Variants in MINDY4B observed in about 807,000 individuals in gnomAD.
The protein encoded by MINDY4B is MINDY family member 4B.
A neutral mutation model predicts 16.7 loss-of-function variants in MINDY4B; 25 were observed. The observed-to-expected ratio is 1.49, with a 90% CI of 1.09 to 2.09. MINDY4B has a LOEUF of 2.09. Ranked by LOEUF, MINDY4B falls within the 30% of genes most tolerant of loss-of-function variation. MINDY4B has a pLI of 0.00. For synonymous variants in MINDY4B, 132 were observed against 61.9 expected, an observed-to-expected ratio of 2.13 and a Z score of -5.32; for missense variants, 327 against 168.4, an observed-to-expected ratio of 1.94 and a Z score of -5.21.
chr3:150,894,126 G>A (rs1273589220), intron 4 of MINDY4B, 60 bp downstream of exon 4: 13 of 622,850 alleles, frequency 2.1e-5, no homozygotes, highest in Non-Finnish European at 3.7e-5. Flanking sequence ...TGGACAGGAA[G>A]GATATATGGA....
intron 3 of MINDY4B, among the ~76,000 whole-genome samples, chr3:150,896,671 G>T (rs1424090133): frequency 6.6e-6 from 1 of 152,168 alleles, no homozygotes; most frequent in Non-Finnish European, 1.5e-5. Flanking sequence ...CACCTAGCAA[G>T]CCTACCAGGC....
chr3:150,881,614 T>TAAAA (rs34567737), intron 10 of MINDY4B, among the ~76,000 whole-genome samples: 3,663 of 121,236 alleles, frequency 0.03, 124 homozygotes, highest in African/African-American at 0.072. Context: ...TGTCTCTGTT[T>TAAAA]AAAAAAAAAA....
At chr3:150,871,994 G>T (rs1716984358) in intron 11 of MINDY4B, among the ~76,000 whole-genome samples, 1 of 152,162 alleles carries the variant, frequency 6.6e-6, no homozygotes, top group Non-Finnish European at 1.5e-5. Context: ...ACTTAAGAAG[G>T]TACTTAGCAT....
rs1350369464 is a variant in MINDY4B, at chr3:150,882,898, T to C, written c.1058A>G (p.Gln353Arg). ...KDASEDDRLSQVGSMLKTPKL... is the reference protein window; with the variant it reads ...KDASEDDRLSRVGSMLKTPKL... ...GGTTGAGGACTGGAACACACTCACC[T>C]GTGAGAGTCTGTCATCTTCCGAGGC... Residue 353 changes from glutamine (Q) to arginine (R), a missense_variant and splice_region_variant, in exon 10 of 12, where the codon CAG becomes CGG. Coordinates refer to ENST00000465419, the MANE Select transcript of MINDY4B (RefSeq NM_001351281.2). The C allele has an allele frequency of 2.9e-6, 2 of 701,302 alleles. No individual in the cohort carries two copies. Among genetic ancestry groups the C allele is most frequent in the African/African-American group, 1.7e-5 (1 of 57,154 alleles). The allele number at this position is 701,302 out of a possible 1,614,324, so 43.4% of individuals were successfully genotyped here. A position where few individuals can be genotyped will look rare whatever the true frequency, so the allele number is the denominator to read the frequency against.
rs1716943390 is a variant in MINDY4B, at chr3:150,870,600, C to G, written c.*445G>C. ...CCTTGGAAAGGAATGCCGTCCATAC[C>G]AGGAAGTCCTTGAGAAGGCTTGAGT... On this transcript the variant is annotated 3_prime_UTR_variant, in exon 12 of 12. Transcript: ENST00000465419. Among the ~76,000 whole-genome samples, 1 of 152,164 alleles carries G rather than the reference C, an allele frequency of 6.6e-6. No homozygotes were observed. Among genetic ancestry groups the G allele is most frequent in the Non-Finnish European group, 1.5e-5 (1 of 68,040 alleles).
At chr3:150,900,020 A>T (rs911674271) in intron 3 of MINDY4B, among the ~76,000 whole-genome samples, 2 of 152,176 alleles carry the variant, frequency 1.3e-5, no homozygotes, top group Admixed American at 6.5e-5. Context: ...TGAGTCCAGA[A>T]AAGGGCCTGG....
At chr3:150,883,673 A>G (rs1711560945) in intron 9 of MINDY4B, 27 bp downstream of exon 9, 1 of 702,228 alleles carries the variant, frequency 1.4e-6, no homozygotes. Context: ...AGATTCTACA[A>G]TAGAAAGGCA....
intron 10 of MINDY4B, among the ~76,000 whole-genome samples, chr3:150,882,251 G>T (rs1436476383): frequency 3.9e-5 from 6 of 152,112 alleles, no homozygotes; most frequent in Admixed American, 3.9e-4. Flanking sequence ...CTCTTCTTCT[G>T]TTTGTTTTCG....
At chr3:150,894,124 A>T in intron 4 of MINDY4B, 62 bp downstream of exon 4, 1 of 614,598 alleles carries the variant, frequency 1.6e-6, no homozygotes, top group Non-Finnish European at 2.9e-6. Context: ...TGTGGACAGG[A>T]AGGATATATG....
rs113992135 is a variant in MINDY4B at position 150,870,932 on chromosome 3, T to G, written c.*113A>C. 1 of 605,614 alleles carries G rather than the reference T, an allele frequency of 1.7e-6. No homozygotes were observed. Among genetic ancestry groups the G allele is most frequent in the East Asian group, 2.7e-5 (1 of 36,378 alleles). The allele number at this position is 605,614 out of a possible 1,614,324, so 37.5% of individuals were successfully genotyped here. A position where few individuals can be genotyped will look rare whatever the true frequency, so the allele number is the denominator to read the frequency against. ...CTGCTAATGGTATATATATATATTT[T>G]TTGGTGGGGCTTGTGAATGAGAAAT... is the stretch of plus-strand genomic sequence containing the variant. On this transcript the variant is annotated 3_prime_UTR_variant, in exon 12 of 12. Transcript: ENST00000465419.
At chr3:150,886,342 A>G (rs997477986) in intron 7 of MINDY4B, among the ~76,000 whole-genome samples, 3 of 152,120 alleles carry the variant, frequency 2.0e-5, no homozygotes, top group Admixed American at 1.3e-4. Flanking sequence ...GGATTAATGT[A>G]TCCGTTTTGC....
chr3:150,885,592 T>G (rs1459054282), intron 7 of MINDY4B, among the ~76,000 whole-genome samples, 154 bp from the exon 8 acceptor site: 2 of 152,320 alleles, frequency 1.3e-5, no homozygotes, highest in South Asian at 2.1e-4. Flanking sequence ...GTCTTCCTAC[T>G]CTAAAATTTG....
intron 10 of MINDY4B, among the ~76,000 whole-genome samples, chr3:150,875,737 G>C (rs989220768): frequency 1.3e-5 from 2 of 152,166 alleles, no homozygotes; most frequent in African/African-American, 4.8e-5. Context: ...GCAGAACCTT[G>C]CTTGCCCTGA....
chr3:150,900,892 T>A (rs1712099762), intron 3 of MINDY4B, among the ~76,000 whole-genome samples: 1 of 152,226 alleles, frequency 6.6e-6, no homozygotes, highest in Non-Finnish European at 1.5e-5. Context: ...CTTTTTCTAT[T>A]TTTAAAATTT....
chr3:150,882,546 T>C (rs1711538090), intron 10 of MINDY4B, among the ~76,000 whole-genome samples: 2 of 150,156 alleles, frequency 1.3e-5, no homozygotes, highest in African/African-American at 2.5e-5. Context: ...GACTTTTCCT[T>C]TGTGTATGTG....
rs11391740 is a variant in MINDY4B at position 150,885,461 on chromosome 3, G to GC, written c.754-24dup. The GC allele has an allele frequency of 4.9e-5, 34 of 698,074 alleles. 1 individual carries two copies. Among genetic ancestry groups the GC allele is most frequent in the Middle Eastern group, 2.3e-4 (1 of 4,366 alleles). The allele number at this position is 698,074 out of a possible 1,614,324, so 43.2% of individuals were successfully genotyped here. ...GAACTGTTCGGAAAAGAAAAGAAAA[G>GC]CATGTTGGTCTAAAAGCAACACAGA... On this transcript the variant is annotated intron_variant, in intron 7 of 11. Transcript: ENST00000465419.
At chr3:150,901,928 T>C (rs1415175058) in intron 3 of MINDY4B, among the ~76,000 whole-genome samples, 1 of 152,000 alleles carries the variant, frequency 6.6e-6, no homozygotes, top group Non-Finnish European at 1.5e-5. Context: ...CTGGGAGGTT[T>C]TGTATGATAA....
chr3:150,880,098 A>G (rs16862946), intron 10 of MINDY4B, among the ~76,000 whole-genome samples: 292 of 152,358 alleles, frequency 1.9e-3, no homozygotes, highest in Middle Eastern at 6.8e-3. Context: ...GTCAATCCTT[A>G]ATCTGATCAG....
chr3:150,881,248 G>T (rs902704000), intron 10 of MINDY4B, among the ~76,000 whole-genome samples: 1 of 152,146 alleles, frequency 6.6e-6, no homozygotes, highest in African/African-American at 2.4e-5. Flanking sequence ...GCTAGCCATG[G>T]TGGTGTACAT....
Sources: gnomAD v4.1 joint callset for allele counts (sites outside exome capture counted in the v4.1 genomes callset) on GRCh38, gnomAD v4.1.1 for gene constraint, MANE v1.5 for transcripts, NCBI Gene and HGNC (gene_info 2026-07-23, HGNC 2026-07-21) for gene names.